The following CDH20 variants were observed in gnomAD, a reference collection of about 807,000 sequenced individuals.
The protein encoded by CDH20 is cadherin-20.
In CDH20, 29 loss-of-function variants were observed where a neutral mutation model predicts 74.2. The ratio of observed to expected loss-of-function variants is 0.39; its 90% CI spans 0.29 to 0.53. The LOEUF is 0.53. CDH20 is among the 20% of genes least tolerant of loss of function. The probability of loss-of-function intolerance (pLI) is 0.69; values close to 1 mark genes in which losing one functional copy is unlikely to be tolerated. For synonymous variants in CDH20, 469 were observed against 405.4 expected, an observed-to-expected ratio of 1.16 and a Z score of -1.88; for missense variants, 988 against 1,048.3, an observed-to-expected ratio of 0.94 and a Z score of 0.79.
intron 1 of CDH20, among the ~76,000 whole-genome samples, chr18:61,410,109 T>C (rs762960013): frequency 6.6e-5 from 10 of 152,244 alleles, no homozygotes; most frequent in Admixed American, 3.3e-4. Flanking sequence ...CTATGTTTCC[T>C]AGAGGCAGGG....
intron 11 of CDH20, among the ~76,000 whole-genome samples, chr18:61,552,906 G>A (rs1311325801): frequency 1.3e-5 from 2 of 151,994 alleles, no homozygotes; most frequent in Non-Finnish European, 2.9e-5. Context: ...TCAAGCCCAC[G>A]CTTCCTTAGA....
intron 3 of CDH20, among the ~76,000 whole-genome samples, chr18:61,500,102 TAAAAAA>T (rs534695760): frequency 5.3e-5 from 3 of 56,574 alleles, no homozygotes; most frequent in Non-Finnish European, 1.1e-4. Context: ...GACTCCATCT[TAAAAAA>T]AAAAAAAAAA....
At chr18:61,450,769 C>T (rs1909360530) in intron 1 of CDH20, among the ~76,000 whole-genome samples, 1 of 151,828 alleles carries the variant, frequency 6.6e-6, no homozygotes, top group East Asian at 1.9e-4. Context: ...TTAAGTGTAC[C>T]ACGGCCATAT....
chr18:61,411,432 A>T (rs1912498450), intron 1 of CDH20, among the ~76,000 whole-genome samples: 1 of 152,184 alleles, frequency 6.6e-6, no homozygotes, highest in African/African-American at 2.4e-5. Context: ...TGAAGTGGTT[A>T]TATGAAAAAG....
chr18:61,547,061 G>A (rs1913273787), intron 10 of CDH20, among the ~76,000 whole-genome samples: 2 of 152,156 alleles, frequency 1.3e-5, no homozygotes, highest in South Asian at 4.1e-4. Flanking sequence ...AGGCATGGTG[G>A]CACACACCTG....
intron 1 of CDH20, among the ~76,000 whole-genome samples, chr18:61,467,698 A>T (rs1910010819): frequency 6.6e-6 from 1 of 152,170 alleles, no homozygotes; most frequent in African/African-American, 2.4e-5. Flanking sequence ...TGTTCTACAC[A>T]CGGGGCCTTC....
chr18:61,403,867 A>G (rs1351280381), intron 1 of CDH20, among the ~76,000 whole-genome samples: 2 of 152,236 alleles, frequency 1.3e-5, no homozygotes, highest in African/African-American at 4.8e-5. Flanking sequence ...GGATAAAGAA[A>G]ATGTACATAT....
At chr18:61,339,597 C>T (rs1487495496) in intron 1 of CDH20, among the ~76,000 whole-genome samples, 2 of 151,698 alleles carry the variant, frequency 1.3e-5, no homozygotes, top group Admixed American at 1.3e-4. Flanking sequence ...AACTGCATGT[C>T]CTCTGTTATA....
chr18:61,525,517 G>T (rs1912364924), intron 6 of CDH20, among the ~76,000 whole-genome samples: 1 of 152,144 alleles, frequency 6.6e-6, no homozygotes, highest in Non-Finnish European at 1.5e-5. Flanking sequence ...CTGACTGGCA[G>T]ATTTCCCTGT....
At chr18:61,523,277 C>G (rs1030251928) in intron 6 of CDH20, among the ~76,000 whole-genome samples, 3 of 151,416 alleles carry the variant, frequency 2.0e-5, no homozygotes, top group Non-Finnish European at 4.4e-5. Flanking sequence ...AGACACTTCT[C>G]AAAAGAAGAC....
intron 9 of CDH20, among the ~76,000 whole-genome samples, chr18:61,542,615 A>G (rs1913080632): frequency 6.6e-6 from 1 of 152,228 alleles, no homozygotes; most frequent in Admixed American, 6.5e-5. Flanking sequence ...TGTGGTGACC[A>G]TGGGTGTCTC....
chr18:61,398,894 C>T (rs1189068824), intron 1 of CDH20, among the ~76,000 whole-genome samples: 1 of 152,170 alleles, frequency 6.6e-6, no homozygotes, highest in African/African-American at 2.4e-5. Flanking sequence ...TCAGTATGTT[C>T]TGAGTGGCCA....
chr18:61,375,111 A>G (rs1238438680), intron 1 of CDH20, among the ~76,000 whole-genome samples: 6 of 152,124 alleles, frequency 3.9e-5, no homozygotes, highest in Admixed American at 3.9e-4. Flanking sequence ...AGAGAGGCTA[A>G]GGGACATGTC....
Position 61,402,333 on chromosome 18 carries a change from T to A in CDH20, c.-153+68506T>A, listed in dbSNP as rs541548131. 5.3e-5 allele frequency among the ~76,000 whole-genome samples: 8 copies of A among 152,276 alleles called. No homozygotes were observed. The South Asian group carries it at 1.7e-3, about 32-fold the overall frequency. On this transcript the variant is annotated intron_variant, in intron 1 of 11. Transcript: ENST00000262717. The stretch of plus-strand genomic sequence containing the variant: ...ACTTGGGCCTCAGCAAATTCTCTGA[T>A]AAGATTTACTGAAAAACTTCCAAAT...
chr18:61,415,881 A>G (rs1174311572), intron 1 of CDH20, among the ~76,000 whole-genome samples: 2 of 152,176 alleles, frequency 1.3e-5, no homozygotes, highest in African/African-American at 2.4e-5. Context: ...TGTAATTAGA[A>G]AGCTGAAGAA....
chr18:61,535,971 G>A (rs1054938993), intron 7 of CDH20, among the ~76,000 whole-genome samples: 1 of 152,106 alleles, frequency 6.6e-6, no homozygotes, highest in South Asian at 2.1e-4. Context: ...TACCATTATT[G>A]TATTTGCCAG....
intron 1 of CDH20, among the ~76,000 whole-genome samples, chr18:61,477,789 A>G (rs894321800): frequency 1.3e-5 from 2 of 152,240 alleles, no homozygotes; most frequent in South Asian, 2.1e-4. Context: ...TCCATATGGT[A>G]TATGAACAAC....
intron 1 of CDH20, among the ~76,000 whole-genome samples, chr18:61,420,167 T>A (rs12969704): frequency 0.2 from 30,525 of 152,180 alleles, 3,322 homozygotes; most frequent in Middle Eastern, 0.31. Flanking sequence ...CTATATTTTT[T>A]AATACTTTTT....
intron 1 of CDH20, among the ~76,000 whole-genome samples, chr18:61,359,977 A>T (rs1033015293): frequency 1.3e-5 from 2 of 152,190 alleles, no homozygotes; most frequent in East Asian, 3.9e-4. Context: ...TGTTAGCAAC[A>T]TCCTAAAGGA....
Sources: gnomAD v4.1 joint callset for allele counts (sites outside exome capture counted in the v4.1 genomes callset) on GRCh38, gnomAD v4.1.1 for gene constraint, MANE v1.5 for transcripts, NCBI Gene and HGNC (gene_info 2026-07-23, HGNC 2026-07-21) for gene names.